Variants in ENTREP2 observed in about 807,000 individuals in gnomAD.
ENTREP2 encodes protein ENTREP2.
At chr15:29,388,063 G>A in the ENTREP2 span, among the ~76,000 whole-genome samples, 3 of 152,178 alleles carry the variant, frequency 2.0e-5, no homozygotes, top group Admixed American at 1.3e-4. Context: ...GCATCGGCAA[G>A]GACTTCATGT....
the ENTREP2 span, among the ~76,000 whole-genome samples, chr15:29,313,983 G>A: frequency 1.4e-4 from 22 of 152,286 alleles, no homozygotes; most frequent in South Asian, 1.0e-3. Context: ...CAAAATTTCC[G>A]TGGAGGAAGT....
the ENTREP2 span, among the ~76,000 whole-genome samples, chr15:29,389,952 G>A: frequency 5.3e-5 from 8 of 152,016 alleles, no homozygotes; most frequent in African/African-American, 1.2e-4. Flanking sequence ...GTCCAAATAC[G>A]AAGGCCAAAT....
At chr15:29,384,891 G>A in the ENTREP2 span, among the ~76,000 whole-genome samples, 8 of 152,050 alleles carry the variant, frequency 5.3e-5, no homozygotes, top group Non-Finnish European at 1.2e-4. Context: ...TTTTCCACAC[G>A]CCCCAACACT....
chr15:29,494,794 A>G, the ENTREP2 span, among the ~76,000 whole-genome samples: 2 of 152,096 alleles, frequency 1.3e-5, no homozygotes, highest in Admixed American at 1.3e-4. Flanking sequence ...ACTTAGTGTA[A>G]TGTCCTCCAG....
chr15:29,394,933 G>A, the ENTREP2 span, among the ~76,000 whole-genome samples: 3 of 122,778 alleles, frequency 2.4e-5, no homozygotes, highest in Non-Finnish European at 4.7e-5. Flanking sequence ...TGTCGCCCAC[G>A]CCGGAGTGCA....
the ENTREP2 span, among the ~76,000 whole-genome samples, chr15:29,191,034 C>A: frequency 6.6e-6 from 1 of 152,276 alleles, no homozygotes; most frequent in East Asian, 1.9e-4. Flanking sequence ...TTTCCAATGG[C>A]CCATATTTGT....
the ENTREP2 span, among the ~76,000 whole-genome samples, chr15:29,493,413 G>A: frequency 6.6e-6 from 1 of 151,734 alleles, no homozygotes; most frequent in Non-Finnish European, 1.5e-5. Context: ...GATTACAGGC[G>A]TGAGCCACCG....
the ENTREP2 span, chr15:29,151,845 C>T: frequency 1.4e-5 from 21 of 1,549,110 alleles, no homozygotes; most frequent in East Asian, 4.9e-5. Flanking sequence ...GGAGATCCTG[C>T]GAGGAAAGGT....
chr15:29,137,441 T>C, the ENTREP2 span, among the ~76,000 whole-genome samples: 1 of 152,090 alleles, frequency 6.6e-6, no homozygotes, highest in Non-Finnish European at 1.5e-5. Flanking sequence ...AAACATATGG[T>C]CTGGGAAGTC....
At chr15:29,225,807 C>T in the ENTREP2 span, among the ~76,000 whole-genome samples, 6 of 152,202 alleles carry the variant, frequency 3.9e-5, no homozygotes, top group Non-Finnish European at 7.3e-5. Flanking sequence ...TGAAATGAGC[C>T]TCCGGGCCTT....
At chr15:29,370,582 G>C in the ENTREP2 span, among the ~76,000 whole-genome samples, 13,492 of 151,960 alleles carry the variant, frequency 0.089, 694 homozygotes, top group African/African-American at 0.12. Flanking sequence ...CCGAGATCAA[G>C]TGCACCCTAG....
the ENTREP2 span, among the ~76,000 whole-genome samples, chr15:29,596,273 T>G: frequency 6.6e-6 from 1 of 152,240 alleles, no homozygotes; most frequent in Non-Finnish European, 1.5e-5. Flanking sequence ...GCATCTATAT[T>G]GAGAAGCATG....
chr15:29,407,932 G>C, the ENTREP2 span, among the ~76,000 whole-genome samples: 1 of 151,938 alleles, frequency 6.6e-6, no homozygotes. Context: ...CACCCACCTC[G>C]GCCTCCCAAA....
At chr15:29,293,827 GC>G in the ENTREP2 span, among the ~76,000 whole-genome samples, 5 of 152,214 alleles carry the variant, frequency 3.3e-5, no homozygotes, top group African/African-American at 1.2e-4. Flanking sequence ...TGCACACCAT[GC>G]CAAGTCCAGG....
At chr15:29,485,751 G>C in the ENTREP2 span, among the ~76,000 whole-genome samples, 4 of 152,144 alleles carry the variant, frequency 2.6e-5, no homozygotes, top group Admixed American at 6.5e-5. Context: ...GGAGATATAT[G>C]AAAGAATGCT....
the ENTREP2 span, among the ~76,000 whole-genome samples, chr15:29,425,732 A>G: frequency 6.6e-6 from 1 of 152,024 alleles, no homozygotes; most frequent in Non-Finnish European, 1.5e-5. Context: ...ATTATATATC[A>G]ATTTTCTAAC....
chr15:29,604,549 T>A, the ENTREP2 span, among the ~76,000 whole-genome samples: 1 of 152,190 alleles, frequency 6.6e-6, no homozygotes, highest in African/African-American at 2.4e-5. Context: ...TATAAATCCC[T>A]GAAGTCATTA....
chr15:29,351,459 G>T, the ENTREP2 span, among the ~76,000 whole-genome samples: 33 of 152,208 alleles, frequency 2.2e-4, no homozygotes, highest in South Asian at 6.4e-3. Context: ...AACAGGAGGA[G>T]TGATATGCTA....
chr15:29,230,947 T>C, the ENTREP2 span, among the ~76,000 whole-genome samples: 2 of 152,186 alleles, frequency 1.3e-5, no homozygotes, highest in African/African-American at 2.4e-5. Flanking sequence ...TGGTAGAGAA[T>C]AGATTATAGC....
Sources: allele counts gnomAD v4.1 joint callset (sites outside exome capture counted in the v4.1 genomes callset), GRCh38; gene constraint gnomAD v4.1.1; transcripts MANE v1.5; gene names NCBI Gene and HGNC (gene_info 2026-07-23, HGNC 2026-07-21).